PPARG: variants seen among roughly 807,000 people sequenced by gnomAD.
PPARG encodes the protein peroxisome proliferator activated receptor gamma.
PPARG carries 17 observed loss-of-function variants against 39.2 expected under a neutral mutation model. The ratio of observed to expected loss-of-function variants is 0.43; its 90% confidence interval spans 0.30 to 0.65. The LOEUF (loss-of-function observed/expected upper bound fraction) is 0.65. Among genes scored for constraint, PPARG ranks in the 30% least tolerant of loss-of-function variants. The pLI is 0.13. For missense variants in PPARG, 406 were observed against 585.9 expected, an observed-to-expected ratio of 0.69 and a Z score of 3.17; for synonymous variants, 223 against 215.7, an observed-to-expected ratio of 1.03 and a Z score of -0.30.
At chr3:12,330,251 C>G (rs2047815576) in intron 2 of PPARG, among the ~76,000 whole-genome samples, 1 of 148,062 alleles carries the variant, frequency 6.8e-6, no homozygotes, top group South Asian at 2.1e-4. Context: ...TGCATTCCCA[C>G]TGCAATATAT....
intron 2 of PPARG, among the ~76,000 whole-genome samples, chr3:12,372,939 C>G (rs1024925333): frequency 3.3e-5 from 5 of 152,152 alleles, no homozygotes; most frequent in African/African-American, 1.2e-4. Flanking sequence ...TTGAAACACT[C>G]TAAAGGTTGT....
chr3:12,393,252 A>C (rs1365628403), intron 5 of PPARG, among the ~76,000 whole-genome samples: 1 of 127,626 alleles, frequency 7.8e-6, no homozygotes, highest in South Asian at 2.4e-4. Flanking sequence ...CGTTTCCTTC[A>C]CTTCAAGGAA....
intron 2 of PPARG, among the ~76,000 whole-genome samples, chr3:12,342,466 T>C (rs937222227): frequency 6.6e-6 from 1 of 152,198 alleles, no homozygotes; most frequent in African/African-American, 2.4e-5. Context: ...AATGTGACTA[T>C]GGGCTGGGTA....
intron 4 of PPARG, 95 bp downstream of exon 4, chr3:12,381,586 T>A: frequency 7.5e-7 from 1 of 1,337,052 alleles, no homozygotes; most frequent in South Asian, 1.3e-5. Context: ...TATGAATTTT[T>A]TTTCTTCATG....
At chr3:12,417,877 CTTTTTTTTTTCT>C (rs1559533685) in intron 7 of PPARG, among the ~76,000 whole-genome samples, 21 of 64,634 alleles carry the variant, frequency 3.2e-4, no homozygotes, top group African/African-American at 9.8e-4. Context: ...TGACTTTTTT[CTTTTTTTTTTCT>C]TTTTTTTTTT....
Position 12,359,739 on chromosome 3 carries a change from G to A in PPARG, c.-8-19965G>A, listed in dbSNP as rs983340414. Among the ~76,000 whole-genome samples the A allele has an allele frequency of 5.5e-5, 8 of 144,980 alleles. No individual in the cohort carries two copies. In the East Asian group the frequency reaches 8.0e-4, roughly 15 times the overall value. On this transcript the variant is annotated intron_variant, in intron 2 of 7. Transcript: ENST00000651735. ...ACCCAGGCTGAAGTGCAGTGGCGCC[G>A]TCTCAGCTCACTGCAACCTCTGCCC... is the stretch of plus-strand genomic sequence containing the variant.
At chr3:12,349,678 G>T (rs1405238852) in intron 2 of PPARG, among the ~76,000 whole-genome samples, 2 of 152,200 alleles carry the variant, frequency 1.3e-5, no homozygotes, top group Non-Finnish European at 2.9e-5. Flanking sequence ...ACAAACAAAT[G>T]CATGAAATGT....
chr3:12,291,098 CACTA>C (rs2046637976), intron 1 of PPARG, among the ~76,000 whole-genome samples: 1 of 152,108 alleles, frequency 6.6e-6, no homozygotes, highest in African/African-American at 2.4e-5. Context: ...CATAGGATTC[CACTA>C]AATAAATATT....
chr3:12,326,120 C>G (rs990210508), intron 2 of PPARG, among the ~76,000 whole-genome samples: 2 of 152,166 alleles, frequency 1.3e-5, no homozygotes, highest in Admixed American at 1.3e-4. Context: ...TTCTGGCTAG[C>G]TAAAGGTTAC....
At position 12,381,505 on chromosome 3, in the gene PPARG, A is replaced by T. The variant is rs1318613825; in HGVS notation, c.390+14A>T. On this transcript the variant is annotated intron_variant, in intron 4 of 7. Transcript: ENST00000651735. The stretch of plus-strand genomic sequence containing the variant: ...GAAGGATGCAAGGTAATTAAAAAAA[A>T]AGTCTTCAAAGAAATTGTTGAAACT... 6.2e-7 allele frequency: 1 copy of T among 1,611,844 alleles called. No homozygotes were observed. Among genetic ancestry groups the T allele is most frequent in the South Asian group, 1.1e-5 (1 of 90,830 alleles).
chr3:12,353,455 G>A (rs1343203130), intron 2 of PPARG, among the ~76,000 whole-genome samples: 2 of 152,146 alleles, frequency 1.3e-5, no homozygotes, highest in Non-Finnish European at 2.9e-5. Context: ...TTAGCTATAT[G>A]ATCATCATTA....
At chr3:12,351,742 G>C in intron 2 of PPARG, 4 of 1,242,492 alleles carry the variant, frequency 3.2e-6, no homozygotes, top group Non-Finnish European at 4.8e-6. Flanking sequence ...AATTGCTCTT[G>C]TAGTTTGTCT....
At chr3:12,373,411 T>G (rs2049290801) in intron 2 of PPARG, among the ~76,000 whole-genome samples, 1 of 152,182 alleles carries the variant, frequency 6.6e-6, no homozygotes, top group African/African-American at 2.4e-5. Flanking sequence ...GAAAACCATC[T>G]AGGACCACAA....
At chr3:12,396,757 CAAAAAAA>C (rs1208855424) in intron 5 of PPARG, among the ~76,000 whole-genome samples, 1 of 56,270 alleles carries the variant, frequency 1.8e-5, no homozygotes, top group Admixed American at 1.9e-4. Flanking sequence ...GACCCAGTCT[CAAAAAAA>C]AAAAAAAAAA....
chr3:12,295,659 G>A (rs1053535990), intron 1 of PPARG, among the ~76,000 whole-genome samples: 5 of 151,804 alleles, frequency 3.3e-5, no homozygotes, highest in South Asian at 4.2e-4. Flanking sequence ...GATTACAGGC[G>A]CCCACCACCA....
intron 4 of PPARG, among the ~76,000 whole-genome samples, chr3:12,388,026 A>T (rs993404860): frequency 6.6e-6 from 1 of 152,174 alleles, no homozygotes; most frequent in African/African-American, 2.4e-5. Context: ...CACTAATATT[A>T]GTCTTTAAAA....
rs180686205 is a variant in PPARG at position 12,369,460 on chromosome 3, A to G, written c.-8-10244A>G. On this transcript the variant is annotated intron_variant, in intron 2 of 7. Coordinates refer to ENST00000651735, the MANE Select transcript of PPARG (RefSeq NM_138711.6). The stretch of plus-strand genomic sequence containing the variant: ...TGAGCTGTGATTGCGTTACAGCACG[A>G]CAGCCTGGGCCACAGAGAGAGACCT... Among the ~76,000 whole-genome samples the G allele has an allele frequency of 8.4e-3, 1,286 of 152,280 alleles. 12 individuals are homozygous for G. Among genetic ancestry groups the G allele is most frequent in the African/African-American group, 0.029 (1,194 of 41,550 alleles).
intron 5 of PPARG, among the ~76,000 whole-genome samples, chr3:12,396,305 A>G (rs2050258295): frequency 6.6e-6 from 1 of 152,004 alleles, no homozygotes; most frequent in Non-Finnish European, 1.5e-5. Context: ...TATTTTTAGT[A>G]AAGATGGGGC....
At chr3:12,408,185 T>C (rs1575128182) in intron 6 of PPARG, among the ~76,000 whole-genome samples, 1 of 152,334 alleles carries the variant, frequency 6.6e-6, no homozygotes, top group South Asian at 2.1e-4. Flanking sequence ...AAAGCTTCGG[T>C]CTGAGAAAAC....
Sources: allele counts gnomAD v4.1 joint callset (sites outside exome capture counted in the v4.1 genomes callset), GRCh38; gene constraint gnomAD v4.1.1; transcripts MANE v1.5; gene names NCBI Gene and HGNC (gene_info 2026-07-23, HGNC 2026-07-21).